Variants in FCER1A observed in about 807,000 individuals in gnomAD.
FCER1A encodes high affinity immunoglobulin epsilon receptor subunit alpha.
A neutral mutation model predicts 23.6 loss-of-function variants in FCER1A; 24 were observed. That is an observed-to-expected ratio of 1.02 (90% confidence interval 0.74 to 1.43). FCER1A has a LOEUF of 1.43. Ranked by LOEUF, FCER1A falls within the 40% of genes most tolerant of loss-of-function variation. FCER1A has a pLI of 0.00. For missense variants in FCER1A, 318 were observed against 294.5 expected, an observed-to-expected ratio of 1.08 and a Z score of -0.58; for synonymous variants, 121 against 108.8, an observed-to-expected ratio of 1.11 and a Z score of -0.70.
At position 159,303,762 on chromosome 1, in the gene FCER1A, T is replaced by C. The variant is rs1050635070; in HGVS notation, c.77-166T>C. On this transcript the variant is annotated intron_variant, in intron 2 of 4. Coordinates refer to ENST00000693622, the MANE Select transcript of FCER1A (RefSeq NM_001387280.1). Reference sequence around the variant, plus strand: ...GCGTTCCCTGGGGCACCAATACTAATTTCTCCTTCCCCTAGAAATCAAAAC... The same window carrying C: ...GCGTTCCCTGGGGCACCAATACTAACTTCTCCTTCCCCTAGAAATCAAAAC... 6.6e-5 allele frequency among the ~76,000 whole-genome samples: 10 copies of C among 152,318 alleles called. No homozygotes were observed. In the East Asian group the frequency reaches 1.9e-3, roughly 29 times the overall value.
chr1:159,290,437 A>G (rs932574167), intron 1 of FCER1A, among the ~76,000 whole-genome samples: 4 of 152,144 alleles, frequency 2.6e-5, no homozygotes, highest in African/African-American at 9.7e-5. Flanking sequence ...CAGATTCTCC[A>G]TCAGTATCTT....
chr1:159,295,716 C>T (rs1451715966), intron 1 of FCER1A, among the ~76,000 whole-genome samples: 1 of 152,178 alleles, frequency 6.6e-6, no homozygotes, highest in East Asian at 1.9e-4. Flanking sequence ...TCACTGGAAA[C>T]TGCGGATCAG....
At chr1:159,305,484 A>G (rs2494265) in intron 3 of FCER1A, among the ~76,000 whole-genome samples, 1 of 152,082 alleles carries the variant, frequency 6.6e-6, no homozygotes. Flanking sequence ...AGCACAGAGC[A>G]GTATGGGAAG....
chr1:159,304,579 C>T (rs1346541145), intron 3 of FCER1A, among the ~76,000 whole-genome samples: 3 of 152,158 alleles, frequency 2.0e-5, no homozygotes, highest in African/African-American at 7.2e-5. Flanking sequence ...TGCCCTCCAG[C>T]CTGGGCTACA....
At chr1:159,307,289 A>G (rs1652644153) in intron 4 of FCER1A, among the ~76,000 whole-genome samples, 1 of 152,256 alleles carries the variant, frequency 6.6e-6, no homozygotes, top group Non-Finnish European at 1.5e-5. Context: ...ACAGACTAAC[A>G]GAACCACAAA....
intron 3 of FCER1A, 63 bp downstream of exon 3, chr1:159,304,245 GA>G (rs1652531596): frequency 2.0e-6 from 3 of 1,507,744 alleles, no homozygotes; most frequent in South Asian, 1.2e-5. Flanking sequence ...CTGAAGATGG[GA>G]AAAAACAGGT....
intron 1 of FCER1A, among the ~76,000 whole-genome samples, chr1:159,294,270 G>A (rs577375220): frequency 4.6e-5 from 7 of 152,230 alleles, no homozygotes; most frequent in East Asian, 1.9e-4. Context: ...ACATGCACAC[G>A]TATGTTTATT....
chr1:159,306,222 C>T lies in FCER1A; in HGVS notation c.566C>T (p.Pro189Leu). 4 of 1,613,876 alleles carry T rather than the reference C, an allele frequency of 2.5e-6. No individual in the cohort carries two copies. Among genetic ancestry groups the T allele is most frequent in the South Asian group, 1.1e-5 (1 of 91,058 alleles). ...KVWQLDYESEPLNITVIKAPR... is the reference protein window; with the variant it reads ...KVWQLDYESELLNITVIKAPR... Reference sequence around the variant, plus strand: ...TGGCAGCTGGACTATGAGTCTGAGCCCCTCAACATTACTGTAATAAAAGGT... The same window carrying T: ...TGGCAGCTGGACTATGAGTCTGAGCTCCTCAACATTACTGTAATAAAAGGT... The change falls in exon 4 of 5, where the codon CCC (proline) becomes CTC (leucine). Residue 189 changes from proline to leucine, a missense_variant. Physicochemically the swap from Pro to Leu is moderately conservative, Grantham distance 98. Coordinates refer to ENST00000693622, the MANE Select transcript of FCER1A (RefSeq NM_001387280.1).
At chr1:159,297,165 G>A (rs1652316091) in intron 1 of FCER1A, among the ~76,000 whole-genome samples, 1 of 152,142 alleles carries the variant, frequency 6.6e-6, no homozygotes, top group Non-Finnish European at 1.5e-5. Flanking sequence ...TCTGCACAAT[G>A]GGGATTTCTC....
intron 1 of FCER1A, among the ~76,000 whole-genome samples, chr1:159,293,920 A>G (rs1652228043): frequency 6.6e-6 from 1 of 151,970 alleles, no homozygotes; most frequent in South Asian, 2.1e-4. Flanking sequence ...ACATGAACAG[A>G]CACTTCTCAA....
intron 1 of FCER1A, among the ~76,000 whole-genome samples, chr1:159,290,249 A>T (rs1652113666): frequency 6.6e-6 from 1 of 152,112 alleles, no homozygotes; most frequent in Non-Finnish European, 1.5e-5. Context: ...GGAGAGGGAC[A>T]ATATGGCTTA....
At chr1:159,302,555 T>A (rs1652467112) in intron 1 of FCER1A, 136 bp downstream of exon 1, 1 of 750,650 alleles carries the variant, frequency 1.3e-6, no homozygotes, top group Non-Finnish European at 2.4e-6. Flanking sequence ...AGGGACTCTG[T>A]AGTGGAGCCA....
Position 159,306,085 on chromosome 1 carries a change from G to C in FCER1A, c.429G>C (p.Val143=). 6.2e-7 allele frequency: 1 copy of C among 1,614,162 alleles called. No homozygotes were observed. The highest frequency in any genetic ancestry group is 8.5e-7 in the Non-Finnish European group (1 of 1,180,002). The change falls in exon 4 of 5, where the codon GTG becomes GTC. Residue 143 remains valine, a synonymous_variant. Coordinates refer to ENST00000693622, the MANE Select transcript of FCER1A (RefSeq NM_001387280.1). ...GGAGGAACTGGGATGTGTACAAGGT[G>C]ATCTATTATAAGGATGGTGAAGCTC... is the stretch of plus-strand genomic sequence containing the variant. The part of the protein sequence containing the change: ...HGWRNWDVYK[V]IYYKDGEALK...
At chr1:159,304,266 G>A in intron 3 of FCER1A, 84 bp downstream of exon 3, 2 of 1,360,818 alleles carry the variant, frequency 1.5e-6, no homozygotes, top group Non-Finnish European at 2.0e-6. Flanking sequence ...TTATTCCAAG[G>A]GTTAGGACAC....
At chr1:159,296,777 A>G (rs1163952490) in intron 1 of FCER1A, among the ~76,000 whole-genome samples, 1 of 152,170 alleles carries the variant, frequency 6.6e-6, no homozygotes, top group Non-Finnish European at 1.5e-5. Flanking sequence ...GCAACCCTCA[A>G]TACACATACA....
chr1:159,304,034 C>T lies in FCER1A; in HGVS notation c.183C>T (p.Ser61=). The part of the protein sequence containing the change: ...CNGNNFFEVS[S]TKWFHNGSLS... ...GGAACAATTTCTTTGAAGTCAGTTCCACCAAATGGTTCCACAATGGCAGCC... is the reference window on the plus strand; with the variant it reads ...GGAACAATTTCTTTGAAGTCAGTTCTACCAAATGGTTCCACAATGGCAGCC... The change falls in exon 3 of 5, where the codon TCC becomes TCT. Residue 61 remains serine (S), a synonymous_variant. Coordinates refer to ENST00000693622, the MANE Select transcript of FCER1A (RefSeq NM_001387280.1). The T allele has an allele frequency of 6.2e-7, 1 of 1,614,054 alleles. No homozygotes were observed.
Position 159,306,265 on chromosome 1 carries a change from G to T in FCER1A, c.589+20G>T. 6.2e-7 allele frequency: 1 copy of T among 1,609,714 alleles called. No homozygotes were observed. Among genetic ancestry groups the T allele is most frequent in the African/African-American group, 1.3e-5 (1 of 74,852 alleles). On this transcript the variant is annotated intron_variant, in intron 4 of 4. Transcript: ENST00000693622. The stretch of plus-strand genomic sequence containing the variant: ...TAAAAGGTGAGTTGGTAAAGGAAAG[G>T]AAAAGCATCCATAGCAGGGGAAGGA...
chr1:159,285,920 C>A (rs1571072067), upstream of FCER1A, among the ~76,000 whole-genome samples: 1 of 152,146 alleles, frequency 6.6e-6, no homozygotes, highest in Admixed American at 6.6e-5. Context: ...CACTGTGGCT[C>A]ATGCCTGTAA....
chr1:159,305,999 C>T lies in FCER1A; in HGVS notation c.343C>T (p.Leu115Phe). ...YLEVFSDWLL[L>F]QASAEVVMEG... is the part of the protein sequence containing the mutation. ...TGAATGTTCTTCAGACTGGCTGCTCCTTCAGGCCTCTGCTGAGGTGGTGAT... is the reference window on the plus strand; with the variant it reads ...TGAATGTTCTTCAGACTGGCTGCTCTTTCAGGCCTCTGCTGAGGTGGTGAT... Residue 115 changes from leucine (L) to phenylalanine (F), a missense_variant, in exon 4 of 5, where the codon CTT becomes TTT. Coordinates refer to ENST00000693622, the MANE Select transcript of FCER1A (RefSeq NM_001387280.1). 6.2e-7 allele frequency: 1 copy of T among 1,613,772 alleles called. No homozygotes were observed. Among genetic ancestry groups the T allele is most frequent in the African/African-American group, 1.3e-5 (1 of 75,036 alleles).
Sources: allele counts gnomAD v4.1 joint callset (sites outside exome capture counted in the v4.1 genomes callset), GRCh38; gene constraint gnomAD v4.1.1; transcripts MANE v1.5; gene names NCBI Gene and HGNC (gene_info 2026-07-23, HGNC 2026-07-21).